Variants in RFX7 observed in about 807,000 individuals in gnomAD.
RFX7 encodes regulatory factor X7.
In RFX7, 26 loss-of-function variants were observed where a neutral mutation model predicts 111.8. The observed-to-expected ratio is 0.23, with a 90% CI of 0.17 to 0.32. The LOEUF (loss-of-function observed/expected upper bound fraction) is 0.32. Ranked by LOEUF, RFX7 falls within the 10% of genes least tolerant of loss-of-function variation. RFX7 has a pLI of 1.00. For synonymous variants in RFX7, 624 were observed against 624.4 expected (o/e 1.00, Z 0.01); for missense variants, 1,573 against 1,772.9 (o/e 0.89, Z 2.02).
chr15:56,201,412 A>G (rs2043192015), intron 2 of RFX7, among the ~76,000 whole-genome samples: 1 of 152,254 alleles, frequency 6.6e-6, no homozygotes. Context: ...ACCAAAGGAA[A>G]GAAAATCCAG....
rs1041287119 is a variant in RFX7 at position 56,109,192 on chromosome 15, C to T, written c.402-5522G>A. On this transcript the variant is annotated intron_variant, in intron 5 of 9. Coordinates refer to ENST00000559447, the MANE Select transcript of RFX7 (RefSeq NM_022841.7). ...TGCCGAGTGCCTGCGATTGCAGGCG[C>T]GCGCCGCCACGCCTGACTGGTTTTC... is the stretch of plus-strand genomic sequence containing the variant. Among the ~76,000 whole-genome samples the T allele has an allele frequency of 1.1e-4, 17 of 152,342 alleles. 1 individual carries two copies. Among genetic ancestry groups the T allele is most frequent in the Middle Eastern group, 3.4e-3 (1 of 294 alleles).
intron 5 of RFX7, among the ~76,000 whole-genome samples, chr15:56,112,133 A>G (rs1392075764): frequency 5.3e-5 from 8 of 150,242 alleles, no homozygotes; most frequent in African/African-American, 1.9e-4. Flanking sequence ...AAAAAAAAAA[A>G]GAATCACTAA....
rs2043745545 is a variant in RFX7 at position 56,243,571 on chromosome 15, G to GCGC, written c.-132_-130dup. 6 of 919,786 alleles carry GCGC rather than the reference G, an allele frequency of 6.5e-6. No individual in the cohort carries two copies. Among genetic ancestry groups the GCGC allele is most frequent in the Non-Finnish European group, 7.8e-6 (6 of 771,624 alleles). 57.0% of individuals were successfully genotyped at this position (919,786 alleles called of 1,614,324 possible). A position where few individuals can be genotyped will look rare whatever the true frequency, so the allele number is the denominator to read the frequency against. On this transcript the variant is annotated 5_prime_UTR_variant, in exon 1 of 10. Coordinates refer to ENST00000559447, the MANE Select transcript of RFX7 (RefSeq NM_022841.7). ...GGCGGCGCCCCTCAGCCCCCCGCTG[G>GCGC]CGCCGCCGCCTCCTCCCGTCAGCGG...
chr15:56,109,561 G>T, intron 5 of RFX7, among the ~76,000 whole-genome samples: 1 of 151,922 alleles, frequency 6.6e-6, no homozygotes, highest in East Asian at 1.9e-4. Context: ...GGAAAGTGAG[G>T]AGCGTCTCTG....
At chr15:56,184,364 T>C (rs1441556774) in intron 2 of RFX7, among the ~76,000 whole-genome samples, 8 of 151,976 alleles carry the variant, frequency 5.3e-5, no homozygotes, top group Admixed American at 4.6e-4. Flanking sequence ...TAGATTCTCT[T>C]GTAGATAATC....
At chr15:56,237,970 A>C (rs1379711518) in intron 2 of RFX7, among the ~76,000 whole-genome samples, 1 of 152,182 alleles carries the variant, frequency 6.6e-6, no homozygotes, top group African/African-American at 2.4e-5. Context: ...TCAACCTACT[A>C]ATCAAAAATA....
chr15:56,223,569 A>T (rs80252883), intron 2 of RFX7, among the ~76,000 whole-genome samples: 3 of 152,208 alleles, frequency 2.0e-5, no homozygotes, highest in African/African-American at 7.2e-5. Flanking sequence ...TACCCCATTA[A>T]GGCTGGTCCT....
chr15:56,207,690 T>C (rs912567731), intron 2 of RFX7, among the ~76,000 whole-genome samples: 1 of 152,188 alleles, frequency 6.6e-6, no homozygotes, highest in Admixed American at 6.5e-5. Context: ...AAAAGACTGT[T>C]AAGCAGATTA....
intron 2 of RFX7, among the ~76,000 whole-genome samples, chr15:56,229,422 C>T (rs2713923): frequency 0.33 from 50,885 of 151,928 alleles, 9,385 homozygotes; most frequent in East Asian, 0.41. Context: ...CTCGCCACCA[C>T]GCCTGGTTAA....
At chr15:56,140,697 T>G (rs894170818) in intron 5 of RFX7, among the ~76,000 whole-genome samples, 1 of 152,248 alleles carries the variant, frequency 6.6e-6, no homozygotes, top group Non-Finnish European at 1.5e-5. Context: ...AAATTGGAGT[T>G]CTCACTACTC....
intron 2 of RFX7, among the ~76,000 whole-genome samples, chr15:56,233,027 A>C (rs1423932898): frequency 2.0e-5 from 3 of 152,238 alleles, no homozygotes; most frequent in African/African-American, 7.2e-5. Flanking sequence ...ACCCAGTTCC[A>C]AAGTCACTTC....
intron 2 of RFX7, among the ~76,000 whole-genome samples, chr15:56,204,428 T>C (rs1447772083): frequency 1.3e-4 from 20 of 152,210 alleles, no homozygotes; most frequent in African/African-American, 4.8e-4. Flanking sequence ...TTTATTTTCA[T>C]GGATCATCTT....
At chr15:56,118,534 T>C (rs1254434595) in intron 5 of RFX7, among the ~76,000 whole-genome samples, 2 of 152,232 alleles carry the variant, frequency 1.3e-5, no homozygotes, top group African/African-American at 4.8e-5. Flanking sequence ...TCATTCTATT[T>C]TTATGGCTGA....
chr15:56,097,748 A>C (rs2041700308), intron 9 of RFX7, among the ~76,000 whole-genome samples: 1 of 124,370 alleles, frequency 8.0e-6, no homozygotes, highest in Non-Finnish European at 1.9e-5. Context: ...CTCTGTCTCA[A>C]AAAAAAAAAA....
upstream of RFX7, among the ~76,000 whole-genome samples, chr15:56,245,028 C>T (rs1434837360): frequency 2.0e-5 from 3 of 152,112 alleles, no homozygotes; most frequent in Admixed American, 2.0e-4. Flanking sequence ...ATGAGCCCTT[C>T]AGCTTTAACT....
At chr15:56,193,414 T>C (rs544442843) in intron 2 of RFX7, among the ~76,000 whole-genome samples, 2 of 152,350 alleles carry the variant, frequency 1.3e-5, no homozygotes, top group Admixed American at 1.3e-4. Flanking sequence ...TTTGTTCAAA[T>C]GACAATGTAT....
chr15:56,088,137 C>G lies in RFX7; in HGVS notation c.*5208G>C, dbSNP rs1462806864. 5.2e-6 allele frequency: 1 copy of G among 192,446 alleles called. No individual in the cohort carries two copies. The highest frequency in any genetic ancestry group is 2.4e-5 in the African/African-American group (1 of 41,834). 11.9% of individuals were successfully genotyped at this position (192,446 alleles called of 1,614,324 possible). Reference sequence around the variant, plus strand: ...TAAAGAACTCCACAAAAATCAAACTCAATTCTAAATTTAAAACCAGAATGA... The same window carrying G: ...TAAAGAACTCCACAAAAATCAAACTGAATTCTAAATTTAAAACCAGAATGA... On this transcript the variant is annotated 3_prime_UTR_variant, in exon 10 of 10. Coordinates refer to ENST00000559447, the MANE Select transcript of RFX7 (RefSeq NM_022841.7).
intron 3 of RFX7, among the ~76,000 whole-genome samples, chr15:56,155,079 C>G (rs1336951338): frequency 6.6e-6 from 1 of 152,104 alleles, no homozygotes; most frequent in African/African-American, 2.4e-5. Flanking sequence ...CAATAAGATA[C>G]CATCTCACGG....
In RFX7 at chr15:56,222,094, A is replaced by G. The variant is rs139224986; in HGVS notation, c.161+21031T>C. ...TCTTTTAGCTTTTGCTCATCTCAAA[A>G]TGTCTATTTTGTTTACATTTCAGAA... On this transcript the variant is annotated intron_variant, in intron 2 of 9. Coordinates refer to ENST00000559447, the MANE Select transcript of RFX7 (RefSeq NM_022841.7). Among the ~76,000 whole-genome samples, 60 of 152,280 alleles carry G rather than the reference A, an allele frequency of 3.9e-4. 1 individual carries two copies. In the East Asian group the frequency reaches 0.01, roughly 26 times the overall value.
Sources: allele counts gnomAD v4.1 joint callset (sites outside exome capture counted in the v4.1 genomes callset), GRCh38; gene constraint gnomAD v4.1.1; transcripts MANE v1.5; gene names NCBI Gene and HGNC (gene_info 2026-07-23, HGNC 2026-07-21).